ANKFY1: variants seen among roughly 807,000 people sequenced by gnomAD.
The protein encoded by ANKFY1 is ankyrin repeat and FYVE domain containing 1.
In ANKFY1, 47 loss-of-function variants were observed where a neutral mutation model predicts 128.3. The ratio of observed to expected loss-of-function variants is 0.37; its 90% CI spans 0.29 to 0.47. ANKFY1 has a LOEUF of 0.47. Among genes scored for constraint, ANKFY1 ranks in the 20% least tolerant of loss-of-function variants. The probability of loss-of-function intolerance (pLI) is 1.00; values close to 1 mark genes in which losing one functional copy is unlikely to be tolerated. For synonymous variants in ANKFY1, 553 were observed against 601.6 expected, an observed-to-expected ratio of 0.92 and a Z score of 1.18; for missense variants, 1,222 against 1,510.6, an observed-to-expected ratio of 0.81 and a Z score of 3.17.
intron 11 of ANKFY1, among the ~76,000 whole-genome samples, chr17:4,185,484 T>A (rs2059594983): frequency 6.6e-6 from 1 of 151,518 alleles, no homozygotes. Flanking sequence ...ATTACAAGCG[T>A]GAGCCACCAC....
At position 4,178,614 on chromosome 17, in the gene ANKFY1, T is replaced by C. The variant is rs1598017489; in HGVS notation, c.2598+243A>G. On this transcript the variant is annotated intron_variant, in intron 18 of 24. Transcript: ENST00000341657. This position sits in a 1 kb window ranked among gnomAD's most constrained non-coding sequence, Gnocchi z 4.1. ...TGTACATGCCACAGAATTCCTACGA[T>C]GGAGCCCACTGCCTCCGCTTCCATC... The C allele has an allele frequency of 1.2e-5, 7 of 560,862 alleles. No homozygotes were observed. In the East Asian group the frequency reaches 1.8e-4, roughly 15 times the overall value. 34.7% of individuals were successfully genotyped at this position (560,862 alleles called of 1,614,324 possible).
At chr17:4,177,619 G>A (rs1276049453) in intron 18 of ANKFY1, among the ~76,000 whole-genome samples, 7 of 152,324 alleles carry the variant, frequency 4.6e-5, no homozygotes, top group East Asian at 1.9e-4. Flanking sequence ...ATAGGGAAAC[G>A]CAAGCACCAA....
chr17:4,242,410 G>A lies in ANKFY1; in HGVS notation c.49C>T (p.Arg17Trp). 2 of 1,579,248 alleles carry A rather than the reference G, an allele frequency of 1.3e-6. No homozygotes were observed. Among genetic ancestry groups the A allele is most frequent in the South Asian group, 1.2e-5 (1 of 86,314 alleles). The stretch of plus-strand genomic sequence containing the variant: ...TTCTGCAGCTTGACATACTCCTGCC[G>A]CAGAAGCATCAAGTGCTTCTCCAAC... ...AKLEKHLMLL[R>W]QEYVKLQKKL... is the part of the protein sequence containing the mutation. The change falls in exon 2 of 25, where the codon CGG (arginine) becomes TGG (tryptophan). Residue 17 changes from arginine to tryptophan, a missense_variant. By Grantham distance (101) the Arg-to-Trp change is moderately radical. Coordinates refer to ENST00000341657, the MANE Select transcript of ANKFY1 (RefSeq NM_001330063.2).
chr17:4,216,882 G>A, intron 4 of ANKFY1, 101 bp downstream of exon 4: 1 of 1,524,478 alleles, frequency 6.6e-7, no homozygotes, highest in Non-Finnish European at 8.9e-7. Context: ...ACCTTGCCAA[G>A]TTATTTACAT....
At chr17:4,262,627 G>A (rs1213033599) in intron 1 of ANKFY1, among the ~76,000 whole-genome samples, 2 of 151,544 alleles carry the variant, frequency 1.3e-5, no homozygotes, top group Non-Finnish European at 2.9e-5. Flanking sequence ...AGCGCCCCTG[G>A]TCCCAGCTAC....
intron 2 of ANKFY1, among the ~76,000 whole-genome samples, chr17:4,241,124 G>A (rs1338901298): frequency 1.3e-5 from 2 of 152,160 alleles, no homozygotes; most frequent in African/African-American, 2.4e-5. Context: ...TCCAAGTGCT[G>A]AACATGCATC....
Position 4,171,448 on chromosome 17 carries a change from A to G in ANKFY1, c.3140-587T>C, listed in dbSNP as rs377203411. Among the ~76,000 whole-genome samples, 33 of 152,282 alleles carry G rather than the reference A, an allele frequency of 2.2e-4. No individual in the cohort carries two copies. The East Asian group carries it at 2.3e-3, about 11-fold the overall frequency. ...CGCTCCCTCTGCTTCCCTATCCCAGATGCCGGGTTTCTTTCATTTAACTCT... is the reference window on the plus strand; with the variant it reads ...CGCTCCCTCTGCTTCCCTATCCCAGGTGCCGGGTTTCTTTCATTTAACTCT... On this transcript the variant is annotated intron_variant, in intron 22 of 24. Transcript: ENST00000341657.
In ANKFY1 at chr17:4,215,218, G is replaced by A. The variant is rs184081808; in HGVS notation, c.458+1765C>T. Among the ~76,000 whole-genome samples the A allele has an allele frequency of 2.2e-4, 33 of 151,532 alleles. 1 individual carries two copies. The East Asian group carries it at 4.1e-3, about 19-fold the overall frequency. On this transcript the variant is annotated intron_variant, in intron 4 of 24. Transcript: ENST00000341657. ...GCAGGAGAATCGCTTGAATCGGGAG[G>A]CGGAGGTTGCAGTGAGCCAAGACTG...
chr17:4,218,843 C>T (rs1041406559), intron 3 of ANKFY1, among the ~76,000 whole-genome samples: 2 of 152,098 alleles, frequency 1.3e-5, no homozygotes, highest in African/African-American at 4.8e-5. Context: ...CACCACTGCA[C>T]TCCAGCATGG....
chr17:4,169,304 G>T lies in ANKFY1; in HGVS notation c.3287-16C>A. 2 of 1,539,440 alleles carry T rather than the reference G, an allele frequency of 1.3e-6. No individual in the cohort carries two copies. Among genetic ancestry groups the T allele is most frequent in the Non-Finnish European group, 1.8e-6 (2 of 1,138,410 alleles). On this transcript the variant is annotated splice_polypyrimidine_tract_variant and intron_variant, in intron 23 of 24. Transcript: ENST00000341657. This position sits in a 1 kb window ranked among gnomAD's most constrained non-coding sequence, Gnocchi z 5.0. ...GACAGCATATCTGCAACACAGGGGG[G>T]AGGCCCGGTCCCGTCAAACCGCGAC... is the stretch of plus-strand genomic sequence containing the variant.
chr17:4,183,646 A>T, intron 13 of ANKFY1, 95 bp from the exon 14 acceptor site: 2 of 1,528,150 alleles, frequency 1.3e-6, no homozygotes, highest in Non-Finnish European at 1.8e-6. Flanking sequence ...TCTCAAAGCC[A>T]GCAGTTTTCC....
intron 1 of ANKFY1, among the ~76,000 whole-genome samples, chr17:4,262,104 T>C (rs1054823748): frequency 1.1e-4 from 16 of 152,196 alleles, no homozygotes; most frequent in Admixed American, 3.9e-4. Flanking sequence ...AGCGGATGGA[T>C]TGCTTGAGCC....
chr17:4,223,185 A>G (rs1205864053), intron 3 of ANKFY1: 6 of 802,236 alleles, frequency 7.5e-6, no homozygotes, highest in South Asian at 2.8e-5. Context: ...CGTAAGCTGC[A>G]AAGTCTTCAT....
Position 4,164,523 on chromosome 17 carries a change from G to T in ANKFY1, c.*3256C>A, listed in dbSNP as rs2059177876. 1 of 152,300 alleles carries T rather than the reference G, an allele frequency of 6.6e-6. No homozygotes were observed. The highest frequency in any genetic ancestry group is 6.5e-5 in the Admixed American group (1 of 15,290). 9.4% of individuals were successfully genotyped at this position (152,300 alleles called of 1,614,324 possible). On this transcript the variant is annotated 3_prime_UTR_variant, in exon 25 of 25. Coordinates refer to ENST00000341657, the MANE Select transcript of ANKFY1 (RefSeq NM_001330063.2). ...TCTTCTGGGACTTGTCCCAAGGGAA[G>T]CAAGTGTCTGTCATGGAAACATTAC... is the stretch of plus-strand genomic sequence containing the variant.
intron 3 of ANKFY1, among the ~76,000 whole-genome samples, chr17:4,218,202 A>T (rs959723766): frequency 6.6e-6 from 1 of 152,208 alleles, no homozygotes; most frequent in Non-Finnish European, 1.5e-5. Context: ...TTCACACAGC[A>T]ACTACATATG....
At chr17:4,242,233 T>C in intron 2 of ANKFY1, 23 bp downstream of exon 2, 1 of 1,487,978 alleles carries the variant, frequency 6.7e-7, no homozygotes. Context: ...CAAAGGGCCT[T>C]CTGTGTCTAG....
intron 1 of ANKFY1, among the ~76,000 whole-genome samples, chr17:4,243,233 A>AT (rs1206058504): frequency 6.7e-6 from 1 of 149,846 alleles, no homozygotes; most frequent in African/African-American, 2.5e-5. Context: ...TGCCCAGCTC[A>AT]TTTTTTGTAT....
chr17:4,185,353 G>C (rs973302684), intron 11 of ANKFY1, among the ~76,000 whole-genome samples: 1 of 151,936 alleles, frequency 6.6e-6, no homozygotes, highest in African/African-American at 2.4e-5. Flanking sequence ...TTACAGGCAC[G>C]CACCACCACA....
At chr17:4,249,006 A>G (rs1462746787) in intron 1 of ANKFY1, 2 of 425,848 alleles carry the variant, frequency 4.7e-6, no homozygotes, top group African/African-American at 4.3e-5. Context: ...CATGCTTAAG[A>G]CAAAAAAATC....
Sources: gnomAD v4.1 joint callset for allele counts (sites outside exome capture counted in the v4.1 genomes callset) on GRCh38, gnomAD v4.1.1 for gene constraint, Gnocchi (gnomAD v3.1) non-coding constraint, MANE v1.5 for transcripts, NCBI Gene and HGNC (gene_info 2026-07-23, HGNC 2026-07-21) for gene names.